Variants in NLRP4 observed in about 807,000 individuals in gnomAD.
NLRP4 encodes the protein NACHT, LRR and PYD domains-containing protein 4.
NLRP4 carries 44 observed loss-of-function variants against 84.7 expected under a neutral mutation model. The ratio of observed to expected loss-of-function variants is 0.52; its 90% CI spans 0.41 to 0.67. The LOEUF (loss-of-function observed/expected upper bound fraction) is 0.67, where lower values mean the gene tolerates loss of function less well. Among genes scored for constraint, NLRP4 ranks in the 30% least tolerant of loss-of-function variants. The pLI, the probability that NLRP4 is intolerant of heterozygous loss-of-function variation, is 0.00. For missense variants in NLRP4, 1,260 were observed against 1,219.4 expected (o/e 1.03, Z -0.50); for synonymous variants, 544 against 476.4 (o/e 1.14, Z -1.85).
intron 1 of NLRP4, among the ~76,000 whole-genome samples, chr19:55,843,430 C>T (rs1025103207): frequency 6.4e-4 from 98 of 152,126 alleles, no homozygotes; most frequent in African/African-American, 2.3e-3. Flanking sequence ...GGCTCACACA[C>T]CTGTAATCCT....
In NLRP4 at chr19:55,858,508, ACTC is replaced by A. The variant is rs747125119; in HGVS notation, c.1119_1121del (p.Ser374del). On this transcript the variant is annotated inframe_deletion, in exon 3 of 10. Transcript: ENST00000301295. The surrounding 1 kb of genome is among the most constrained non-coding windows in gnomAD (Gnocchi z 4.2). ...ACCTGCCAGAGCACTACCTCTGTGT[ACTC>A]CTCTTTCGTCTTTAACCTGTTCACA... The A allele has an allele frequency of 3.1e-6, 5 of 1,613,872 alleles. No individual in the cohort carries two copies. The highest frequency in any genetic ancestry group is 1.6e-4 in the Middle Eastern group (1 of 6,062).
chr19:55,871,537 C>T (rs191834553), intron 7 of NLRP4, among the ~76,000 whole-genome samples: 3 of 152,146 alleles, frequency 2.0e-5, no homozygotes, highest in Admixed American at 6.6e-5. Flanking sequence ...CCTGTAGCGG[C>T]GGTGGCAGTG....
At chr19:55,868,305 A>G (rs547723584) in intron 6 of NLRP4, among the ~76,000 whole-genome samples, 33 of 152,308 alleles carry the variant, frequency 2.2e-4, no homozygotes, top group African/African-American at 6.0e-4. Flanking sequence ...AGTTAATACT[A>G]TAATACATGT....
intron 8 of NLRP4, among the ~76,000 whole-genome samples, chr19:55,878,492 T>TTA (rs1442649316): frequency 2.3e-4 from 1 of 4,326 alleles, no homozygotes; most frequent in Admixed American, 1.8e-3. Context: ...GACGGCTTCA[T>TTA]ACCTTTTTTT....
chr19:55,844,998 A>G (rs934865450), intron 1 of NLRP4, among the ~76,000 whole-genome samples: 1 of 152,036 alleles, frequency 6.6e-6, no homozygotes, highest in East Asian at 1.9e-4. Context: ...GGAGGTATTA[A>G]TATTTCAGCC....
intron 5 of NLRP4, among the ~76,000 whole-genome samples, chr19:55,864,767 A>T (rs1984889693): frequency 6.6e-6 from 1 of 151,876 alleles, no homozygotes; most frequent in African/African-American, 2.4e-5. Context: ...CTTATTTTTT[A>T]TTATACCCAT....
Position 55,852,062 on chromosome 19 carries a change from TATC to T in NLRP4, c.-18_-16del. ...TGGTCACTGTCTCTTTGAGGATTGGTATCTCTGCTCCAGAAAAGATGGCAGCCT... is the reference window on the plus strand; with the variant it reads ...TGGTCACTGTCTCTTTGAGGATTGGTTCTGCTCCAGAAAAGATGGCAGCCT... On this transcript the variant is annotated 5_prime_UTR_variant, in exon 2 of 10. Coordinates refer to ENST00000301295, the MANE Select transcript of NLRP4 (RefSeq NM_134444.5). The T allele has an allele frequency of 1.3e-6, 2 of 1,575,116 alleles. No homozygotes were observed. The highest frequency in any genetic ancestry group is 1.7e-6 in the Non-Finnish European group (2 of 1,163,942).
At chr19:55,849,413 CT>C (rs1317986543) in intron 1 of NLRP4, among the ~76,000 whole-genome samples, 13 of 152,200 alleles carry the variant, frequency 8.5e-5, no homozygotes, top group African/African-American at 2.4e-4. Context: ...CTGCAAAATG[CT>C]GCAGACTGGA....
intron 1 of NLRP4, among the ~76,000 whole-genome samples, chr19:55,850,699 G>A (rs577758856): frequency 1.5e-4 from 21 of 141,102 alleles, no homozygotes; most frequent in Non-Finnish European, 2.9e-4. Context: ...CCGTGGCTGC[G>A]GTGTACTTCC....
intron 3 of NLRP4, among the ~76,000 whole-genome samples, chr19:55,860,750 G>A (rs966414148): frequency 1.3e-5 from 2 of 152,112 alleles, no homozygotes; most frequent in African/African-American, 4.8e-5. Flanking sequence ...CTTAATGGCT[G>A]GGCTGTGCTG....
rs1423247975 is a variant in NLRP4 at position 55,858,262 on chromosome 19, A to G, written c.869A>G (p.Gln290Arg). 1.2e-6 allele frequency: 2 copies of G among 1,614,082 alleles called. No individual in the cohort carries two copies. Among genetic ancestry groups the G allele is most frequent in the African/African-American group, 1.3e-5 (1 of 74,934 alleles). The change falls in exon 3 of 10, where the codon CAG (glutamine) becomes CGG (arginine). Residue 290 changes from glutamine to arginine, a missense_variant. Physicochemically the swap from Gln to Arg is conservative, Grantham distance 43. Transcript: ENST00000301295. The surrounding 1 kb of genome is among the most constrained non-coding windows in gnomAD (Gnocchi z 4.2). ...GTGTGCCCGAAGGAGCTCCGGGATCAGGTGACGATCTCAGAAATCTACCAG... is the reference window on the plus strand; with the variant it reads ...GTGTGCCCGAAGGAGCTCCGGGATCGGGTGACGATCTCAGAAATCTACCAG... ...KPVCPKELRDQVTISEIYQPR... is the reference protein window; with the variant it reads ...KPVCPKELRDRVTISEIYQPR...
intron 6 of NLRP4, among the ~76,000 whole-genome samples, chr19:55,868,949 GGGACA>G (rs2123054102): frequency 6.6e-6 from 1 of 152,212 alleles, no homozygotes; most frequent in South Asian, 2.1e-4. Context: ...TAGAGGGACA[GGGACA>G]GGACTTAACC....
At chr19:55,879,325 T>C (rs1356922104) in intron 9 of NLRP4, among the ~76,000 whole-genome samples, 2 of 152,164 alleles carry the variant, frequency 1.3e-5, no homozygotes, top group African/African-American at 4.8e-5. Context: ...AGCTGTCTGC[T>C]ACAGAGAGGG....
At chr19:55,843,197 G>A (rs1568654810) in intron 1 of NLRP4, among the ~76,000 whole-genome samples, 1 of 152,104 alleles carries the variant, frequency 6.6e-6, no homozygotes, top group East Asian at 1.9e-4. Flanking sequence ...TGGCACAACC[G>A]TTCAAATAAA....
At position 55,852,089 on chromosome 19, in the gene NLRP4, C is replaced by G; in HGVS notation, c.9C>G (p.Ala3=). ...TCTCTGCTCCAGAAAAGATGGCAGC[C>G]TCTTTCTTCTCTGATTTTGGTCTTA... The part of the protein sequence containing the change: MA[A]SFFSDFGLMW... The change falls in exon 2 of 10, where the codon GCC becomes GCG. Residue 3 remains alanine (A), a synonymous_variant. Coordinates refer to ENST00000301295, the MANE Select transcript of NLRP4 (RefSeq NM_134444.5). 2 of 1,591,156 alleles carry G rather than the reference C, an allele frequency of 1.3e-6. No individual in the cohort carries two copies. Among genetic ancestry groups the G allele is most frequent in the Non-Finnish European group, 1.7e-6 (2 of 1,173,654 alleles).
In NLRP4 at chr19:55,870,836, C is replaced by T. The variant is rs758966225; in HGVS notation, c.2364C>T (p.Phe788=). The change falls in exon 7 of 10, where the codon TTC becomes TTT. Residue 788 remains phenylalanine (F), a synonymous_variant. Transcript: ENST00000301295. ...GTTTTTGTCCCCATAGGTTGGCTTT[C>T]TGCCACCTCAGCGAGCAGTGCTGCG... ...DTVLVYLMLA[F]CHLSEQCCEY... The T allele has an allele frequency of 6.2e-7, 1 of 1,613,254 alleles. No homozygotes were observed. Among genetic ancestry groups the T allele is most frequent in the Non-Finnish European group, 8.5e-7 (1 of 1,179,356 alleles).
At chr19:55,856,450 C>T (rs1323906069) in intron 2 of NLRP4, among the ~76,000 whole-genome samples, 1 of 151,752 alleles carries the variant, frequency 6.6e-6, no homozygotes, top group African/African-American at 2.4e-5. Flanking sequence ...TAATCTGTAC[C>T]TTGATCTTAG....
At position 55,861,986 on chromosome 19, in the gene NLRP4, T is replaced by C. The variant is rs1189930602; in HGVS notation, c.2019-6T>C. ...AACTCATCCAAAATTTTCTTTGTTT[T>C]TGCAGAATAAATAACGTTTCCTTTT... On this transcript the variant is annotated splice_polypyrimidine_tract_variant and splice_region_variant and intron_variant, in intron 4 of 9. Coordinates refer to ENST00000301295, the MANE Select transcript of NLRP4 (RefSeq NM_134444.5). 10 of 1,611,618 alleles carry C rather than the reference T, an allele frequency of 6.2e-6. No homozygotes were observed. The highest frequency in any genetic ancestry group is 8.5e-6 in the Non-Finnish European group (10 of 1,178,046).
In NLRP4 at chr19:55,861,473, C is replaced by T. The variant is rs749319361; in HGVS notation, c.1944C>T (p.Ser648=). 6.2e-7 allele frequency: 1 copy of T among 1,614,028 alleles called. No individual in the cohort carries two copies. The part of the protein sequence containing the change: ...GHLRELQVQD[S]TLSESTFVTW... ...TCAGAGAGCTCCAGGTGCAGGACAG[C>T]ACCCTCAGCGAGTCGACCTTTGTGA... Residue 648 remains serine (S), a synonymous_variant, in exon 4 of 10, where the codon AGC becomes AGT. Transcript: ENST00000301295.
Sources: gnomAD v4.1 joint callset for allele counts (sites outside exome capture counted in the v4.1 genomes callset) on GRCh38, gnomAD v4.1.1 for gene constraint, Gnocchi (gnomAD v3.1) non-coding constraint, MANE v1.5 for transcripts, NCBI Gene and HGNC (gene_info 2026-07-23, HGNC 2026-07-21) for gene names.